The following WDR17 variants were observed in gnomAD, a reference collection of about 807,000 sequenced individuals.
The protein encoded by WDR17 is WD repeat domain 17, also known as WD repeat-containing protein 17.
Under a neutral mutation model 161.7 loss-of-function variants are expected in WDR17, and 143 were observed. The observed-to-expected ratio is 0.88, with a 90% confidence interval of 0.77 to 1.02. The LOEUF is 1.02. Among genes scored for constraint, WDR17 ranks in the 50% least tolerant of loss-of-function variants. The pLI, the probability that WDR17 is intolerant of heterozygous loss-of-function variation, is 0.00. For synonymous variants in WDR17, 517 were observed against 515.6 expected, an observed-to-expected ratio of 1.00 and a Z score of -0.04; for missense variants, 1,469 against 1,520.9, an observed-to-expected ratio of 0.97 and a Z score of 0.57.
intron 28 of WDR17, among the ~76,000 whole-genome samples, chr4:176,178,823 T>C (rs181393104): frequency 6.6e-6 from 1 of 152,222 alleles, no homozygotes; most frequent in Admixed American, 6.5e-5. Flanking sequence ...TTGTATTGCA[T>C]CTTGTGTTTT....
chr4:176,088,770 G>GA (rs1410739648), intron 1 of WDR17, among the ~76,000 whole-genome samples: 1 of 152,066 alleles, frequency 6.6e-6, no homozygotes, highest in East Asian at 1.9e-4. Flanking sequence ...AGCTTATTTA[G>GA]AAAGACTTCT....
intron 4 of WDR17, 78 bp downstream of exon 4, chr4:176,120,175 G>A: frequency 9.0e-7 from 1 of 1,111,364 alleles, no homozygotes; most frequent in Non-Finnish European, 1.3e-6. Flanking sequence ...GGTCTTTCTA[G>A]TGACCAGTCC....
intron 1 of WDR17, among the ~76,000 whole-genome samples, chr4:176,103,195 G>C (rs1477854127): frequency 6.6e-6 from 1 of 152,202 alleles, no homozygotes; most frequent in East Asian, 1.9e-4. Context: ...AGAAAATTAG[G>C]AAGTTACTAT....
chr4:176,076,404 G>GGTT (rs1734029432), intron 1 of WDR17, among the ~76,000 whole-genome samples: 1 of 80,780 alleles, frequency 1.2e-5, no homozygotes. Context: ...AGTTGTCGTT[G>GGTT]TTGGTTTTTT....
At chr4:176,114,509 T>G (rs911148289) in intron 2 of WDR17, among the ~76,000 whole-genome samples, 1 of 152,108 alleles carries the variant, frequency 6.6e-6, no homozygotes, top group Non-Finnish European at 1.5e-5. Context: ...AAACAGATCT[T>G]AAGTGTTTAT....
chr4:176,106,623 A>G (rs758501591), intron 1 of WDR17, among the ~76,000 whole-genome samples: 1 of 152,230 alleles, frequency 6.6e-6, no homozygotes, highest in African/African-American at 2.4e-5. Flanking sequence ...AAACATGCAA[A>G]TTGGATTTCA....
intron 1 of WDR17, chr4:176,111,110 A>G (rs971297776): frequency 6.6e-6 from 1 of 152,322 alleles, no homozygotes; most frequent in African/African-American, 2.4e-5. Flanking sequence ...TTACTGGTCC[A>G]CAGTGTTTTA....
chr4:176,159,270 CACAT>C (rs1748638091), intron 18 of WDR17, among the ~76,000 whole-genome samples: 1 of 116,018 alleles, frequency 8.6e-6, no homozygotes, highest in Non-Finnish European at 1.7e-5. Flanking sequence ...GATACACACA[CACAT>C]GCACACACAC....
intron 1 of WDR17, among the ~76,000 whole-genome samples, chr4:176,103,579 G>C (rs1175211490): frequency 6.6e-6 from 1 of 151,844 alleles, no homozygotes; most frequent in East Asian, 1.9e-4. Flanking sequence ...GAACAAAATA[G>C]AAATAATAGA....
chr4:176,091,043 G>A (rs186680787), intron 1 of WDR17, among the ~76,000 whole-genome samples: 205 of 152,264 alleles, frequency 1.3e-3, no homozygotes, highest in African/African-American at 4.3e-3. Flanking sequence ...ACCTCCCAGC[G>A]TGGGCATCAT....
In WDR17 at chr4:176,070,120, A is replaced by G. The variant is rs144364266; in HGVS notation, c.-7+4041A>G. Reference sequence around the variant, plus strand: ...AAATTAATAAGGGAAAAGCTGGCTTATGTTCTACTTCTGAAGCTTTACTTG... The same window carrying G: ...AAATTAATAAGGGAAAAGCTGGCTTGTGTTCTACTTCTGAAGCTTTACTTG... On this transcript the variant is annotated intron_variant, in intron 1 of 28. Transcript: ENST00000508596. 5.3e-5 allele frequency among the ~76,000 whole-genome samples: 8 copies of G among 152,320 alleles called. 1 individual carries two copies. The East Asian group carries it at 1.4e-3, about 26-fold the overall frequency.
Position 176,163,024 on chromosome 4 carries a change from C to T in WDR17, c.2851-130C>T, listed in dbSNP as rs113952210. 1.1e-5 allele frequency: 13 copies of T among 1,150,970 alleles called. No homozygotes were observed. The African/African-American group carries it at 1.4e-4, about 12-fold the overall frequency. 71.3% of individuals were successfully genotyped at this position (1,150,970 alleles called of 1,614,324 possible). A position where few individuals can be genotyped will look rare whatever the true frequency, so the allele number is the denominator to read the frequency against. On this transcript the variant is annotated intron_variant, in intron 21 of 28. Coordinates refer to ENST00000508596, the MANE Select transcript of WDR17 (RefSeq NM_181265.4). Reference sequence around the variant, plus strand: ...ACATAGCTACTTTATAGGAATATTACAGTCAATATTTTATAAGAATAATTG... The same window carrying T: ...ACATAGCTACTTTATAGGAATATTATAGTCAATATTTTATAAGAATAATTG...
Position 176,141,990 on chromosome 4 carries a change from C to T in WDR17, c.1450C>T (p.Arg484Ter), listed in dbSNP as rs142589281. The part of the protein sequence containing the change: ...TCSSDGFCII[R>*]TIDGKVLHKY... ...TATTATAATTAATTCTAGTATTATT[C>T]GAACAATTGATGGTAAAGTGCTACA... Residue 484 changes from arginine (R) to a stop codon, truncating the protein, a stop_gained, in exon 11 of 29, where the codon CGA (arginine) becomes TGA (stop). Transcript: ENST00000508596. LOFTEE classifies it high-confidence loss of function. 2.1e-5 allele frequency: 34 copies of T among 1,593,194 alleles called. No homozygotes were observed. The highest frequency in any genetic ancestry group is 1.8e-4 in the Middle Eastern group (1 of 5,656).
intron 3 of WDR17, 86 bp from the exon 4 acceptor site, chr4:176,119,781 T>G: frequency 8.4e-7 from 1 of 1,184,020 alleles, no homozygotes; most frequent in Non-Finnish European, 1.2e-6. Flanking sequence ...ATAATTTGTT[T>G]TAGAAATGTA....
At chr4:176,165,342 C>T (rs1245383155) in intron 22 of WDR17, among the ~76,000 whole-genome samples, 1 of 152,056 alleles carries the variant, frequency 6.6e-6, no homozygotes, top group Non-Finnish European at 1.5e-5. Flanking sequence ...GCACTCCAGC[C>T]TGGGCAACAA....
chr4:176,176,887 G>A (rs1178182368), intron 26 of WDR17, among the ~76,000 whole-genome samples, 171 bp from the exon 27 acceptor site: 1 of 152,096 alleles, frequency 6.6e-6, no homozygotes, highest in East Asian at 1.9e-4. Context: ...TAAATATACA[G>A]GTGAGCATAT....
chr4:176,096,363 T>G (rs764710834), intron 1 of WDR17: 133 of 444,152 alleles, frequency 3.0e-4, no homozygotes, highest in Non-Finnish European at 4.7e-4. Flanking sequence ...TTGTTTCAGC[T>G]GAAATATTTG....
chr4:176,178,992 C>A (rs1235199021), intron 28 of WDR17, among the ~76,000 whole-genome samples: 1 of 152,020 alleles, frequency 6.6e-6, no homozygotes, highest in Non-Finnish European at 1.5e-5. Flanking sequence ...ACGATATATA[C>A]AATATAGAAC....
In WDR17 at chr4:176,174,671, C is replaced by G. The variant is rs762470595; in HGVS notation, c.3402C>G (p.Ile1134Met). ...GTTACATTGGTGCATTACTGGCTAT[C>G]AGAAGACAGTACCAAAGCATTGTTC... The part of the protein sequence containing the change: ...LCGYIGALLA[I>M]RRQYQSIVPA... The change falls in exon 26 of 29, where the codon ATC becomes ATG. Residue 1134 changes from isoleucine to methionine, a missense_variant. Physicochemically the swap from Ile to Met is conservative, Grantham distance 10. Transcript: ENST00000508596. The G allele has an allele frequency of 6.2e-7, 1 of 1,612,312 alleles. No homozygotes were observed. Among genetic ancestry groups the G allele is most frequent in the Admixed American group, 1.7e-5 (1 of 59,968 alleles).
Sources: allele counts gnomAD v4.1 joint callset (sites outside exome capture counted in the v4.1 genomes callset), GRCh38; gene constraint gnomAD v4.1.1; transcripts MANE v1.5; gene names NCBI Gene and HGNC (gene_info 2026-07-23, HGNC 2026-07-21).